ADRA1A: variants seen among roughly 807,000 people sequenced by gnomAD.
ADRA1A encodes the protein alpha-1A adrenergic receptor.
ADRA1A carries 31 observed loss-of-function variants against 29.6 expected under a neutral mutation model. The ratio of observed to expected loss-of-function variants is 1.05; its 90% confidence interval spans 0.79 to 1.41. The LOEUF (loss-of-function observed/expected upper bound fraction) is 1.41. Among genes scored for constraint, ADRA1A ranks in the 40% most tolerant of loss-of-function variants. The probability of loss-of-function intolerance (pLI) is 0.00; values close to 1 mark genes in which losing one functional copy is unlikely to be tolerated. For missense variants in ADRA1A, 619 were observed against 601.1 expected (o/e 1.03, Z -0.31); for synonymous variants, 311 against 254.3 (o/e 1.22, Z -2.12).
At chr8:26,797,777 A>G (rs1322117159) in intron 2 of ADRA1A, among the ~76,000 whole-genome samples, 1 of 152,094 alleles carries the variant, frequency 6.6e-6, no homozygotes, top group Non-Finnish European at 1.5e-5. Flanking sequence ...TTGAGTGTTT[A>G]TTGAGGCTAT....
chr8:26,754,463 T>A (rs1003376675), downstream of ADRA1A, among the ~76,000 whole-genome samples: 3 of 151,966 alleles, frequency 2.0e-5, no homozygotes, highest in South Asian at 6.2e-4. Context: ...CACTGCACAG[T>A]TAGAAATTGC....
chr8:26,799,524 G>A (rs1808422355), intron 2 of ADRA1A, among the ~76,000 whole-genome samples: 1 of 152,208 alleles, frequency 6.6e-6, no homozygotes, highest in South Asian at 2.1e-4. Context: ...CAGGGTAATT[G>A]CCTACAAGAA....
rs1385912018 is a variant in ADRA1A at position 26,825,327 on chromosome 8, G to T, written c.883+38760C>A. On this transcript the variant is annotated intron_variant, in intron 2 of 2. Transcript: ENST00000380573. The surrounding 1 kb of genome is among the most constrained non-coding windows in gnomAD (Gnocchi z 5.7). ...TTTTCTTTTCTTCTCTCTTCTTCCTGCCTTTAACCATTCTTCCATGAAACA... is the reference window on the plus strand; with the variant it reads ...TTTTCTTTTCTTCTCTCTTCTTCCTTCCTTTAACCATTCTTCCATGAAACA... Among the ~76,000 whole-genome samples, 1 of 148,644 alleles carries T rather than the reference G, an allele frequency of 6.7e-6. No homozygotes were observed. The highest frequency in any genetic ancestry group is 1.5e-5 in the Non-Finnish European group (1 of 67,078).
intron 2 of ADRA1A, among the ~76,000 whole-genome samples, chr8:26,786,733 C>G: frequency 7.9e-6 from 1 of 126,452 alleles, no homozygotes; most frequent in Non-Finnish European, 1.6e-5. Context: ...ACCTCAGACT[C>G]CATGCTGGGT....
rs958818306 is a variant in ADRA1A, at chr8:26,769,994, C to G, written c.*155G>C. 2.1e-6 allele frequency: 3 copies of G among 1,440,894 alleles called. No homozygotes were observed. In the East Asian group the frequency reaches 7.0e-5, roughly 34 times the overall value. 89.3% of individuals were successfully genotyped at this position (1,440,894 alleles called of 1,614,324 possible). Reference sequence around the variant, plus strand: ...CCCTCCCTCTTCCCTGTGCCCTACCCGCTGCCTGATGAGTTGGGTCTACCA... The same window carrying G: ...CCCTCCCTCTTCCCTGTGCCCTACCGGCTGCCTGATGAGTTGGGTCTACCA... On this transcript the variant is annotated 3_prime_UTR_variant, in exon 3 of 3. Coordinates refer to ENST00000380573, the MANE Select transcript of ADRA1A (RefSeq NM_000680.4).
chr8:26,778,467 C>G (rs1051360997), intron 2 of ADRA1A, among the ~76,000 whole-genome samples: 60 of 152,228 alleles, frequency 3.9e-4, no homozygotes, highest in Non-Finnish European at 6.8e-4. Flanking sequence ...ATTTTCCAAG[C>G]CTTGTCAATT....
chr8:26,799,568 C>A (rs1457347185), intron 2 of ADRA1A, among the ~76,000 whole-genome samples: 1 of 152,186 alleles, frequency 6.6e-6, no homozygotes, highest in Admixed American at 6.5e-5. Context: ...TTCTTTGAGG[C>A]ATGGCCTTAA....
chr8:26,838,519 C>T (rs1359943187), intron 2 of ADRA1A, among the ~76,000 whole-genome samples: 2 of 152,112 alleles, frequency 1.3e-5, no homozygotes, highest in Admixed American at 6.6e-5. Context: ...TGTGCTTAGG[C>T]CCTGAGGATT....
chr8:26,756,563 G>C (rs1230681512), exon 3 of ADRA1A: 3 of 1,547,680 alleles, frequency 1.9e-6, no homozygotes, highest in Admixed American at 3.9e-5. Context: ...TGTTTTTCCT[G>C]TATCAGTAAC....
At chr8:26,833,455 C>T (rs1811129240) in intron 2 of ADRA1A, among the ~76,000 whole-genome samples, 1 of 152,178 alleles carries the variant, frequency 6.6e-6, no homozygotes, top group Non-Finnish European at 1.5e-5. Flanking sequence ...TCAAAGTAAA[C>T]ACCTCAGAAG....
intron 2 of ADRA1A, among the ~76,000 whole-genome samples, chr8:26,849,879 G>T (rs1346720483): frequency 6.6e-6 from 1 of 152,034 alleles, no homozygotes; most frequent in African/African-American, 2.4e-5. Context: ...AAGATGGACA[G>T]TGTGCCCACC....
intron 2 of ADRA1A, among the ~76,000 whole-genome samples, chr8:26,792,954 A>G (rs1338395208): frequency 6.6e-6 from 1 of 151,966 alleles, no homozygotes; most frequent in Non-Finnish European, 1.5e-5. Context: ...ATTAAGAAAA[A>G]AATTGAATAT....
intron 2 of ADRA1A, among the ~76,000 whole-genome samples, chr8:26,813,570 G>A (rs1284067004): frequency 6.6e-6 from 1 of 151,960 alleles, no homozygotes; most frequent in African/African-American, 2.4e-5. Flanking sequence ...CAGGTGCTTG[G>A]CCTGGATCCC....
downstream of ADRA1A, among the ~76,000 whole-genome samples, chr8:26,766,357 A>G (rs112167008): frequency 6.6e-6 from 1 of 151,986 alleles, no homozygotes; most frequent in African/African-American, 2.4e-5. Flanking sequence ...CCTTCTGCAT[A>G]CTCTTCTATG....
rs186477895 is a variant in ADRA1A at position 26,784,091 on chromosome 8, T to C, written c.884-13425A>G. On this transcript the variant is annotated intron_variant, in intron 2 of 2. Transcript: ENST00000380573. Reference sequence around the variant, plus strand: ...GATGCTGGGCTCAATACTTAAGTGATGGGTTGATCTGTGCAGCAAACCACC... The same window carrying C: ...GATGCTGGGCTCAATACTTAAGTGACGGGTTGATCTGTGCAGCAAACCACC... Among the ~76,000 whole-genome samples the C allele has an allele frequency of 3.9e-4, 60 of 152,310 alleles. 1 individual carries two copies. Among genetic ancestry groups the C allele is most frequent in the Admixed American group, 3.8e-3 (58 of 15,298 alleles).
chr8:26,758,080 T>G (rs1243161321), intron 2 of ADRA1A, among the ~76,000 whole-genome samples: 1 of 152,206 alleles, frequency 6.6e-6, no homozygotes, highest in Non-Finnish European at 1.5e-5. Context: ...TGCCTGATTT[T>G]TAAAAGCTAA....
intron 2 of ADRA1A, among the ~76,000 whole-genome samples, chr8:26,817,278 T>G (rs1002069099): frequency 6.6e-6 from 1 of 152,074 alleles, no homozygotes; most frequent in Non-Finnish European, 1.5e-5. Context: ...AATAAGCAAA[T>G]GAAAAGATGC....
rs1310858092 is a variant in ADRA1A, at chr8:26,796,913, A to T, written c.884-26247T>A. 1.3e-5 allele frequency among the ~76,000 whole-genome samples: 2 copies of T among 152,126 alleles called. No homozygotes were observed. Among genetic ancestry groups the T allele is most frequent in the African/African-American group, 4.8e-5 (2 of 41,432 alleles). On this transcript the variant is annotated intron_variant, in intron 2 of 2. Transcript: ENST00000380573. The surrounding 1 kb of genome is among the most constrained non-coding windows in gnomAD (Gnocchi z 5.0). Reference sequence around the variant, plus strand: ...TTATTCCCTCACTGCGCAAATTTTTATAGAGATGAGACTGGAATTGAGAGT... The same window carrying T: ...TTATTCCCTCACTGCGCAAATTTTTTTAGAGATGAGACTGGAATTGAGAGT...
Position 26,848,176 on chromosome 8 carries a change from G to A in ADRA1A, c.883+15911C>T, listed in dbSNP as rs1385148692. On this transcript the variant is annotated intron_variant, in intron 2 of 2. Coordinates refer to ENST00000380573, the MANE Select transcript of ADRA1A (RefSeq NM_000680.4). The surrounding 1 kb of genome is among the most constrained non-coding windows in gnomAD (Gnocchi z 4.3). ...TGTCACTAATCCCTTGCGTGCCTCA[G>A]TTTCCTTATCTCTACATGAGCATAG... Among the ~76,000 whole-genome samples, 1 of 152,204 alleles carries A rather than the reference G, an allele frequency of 6.6e-6. No individual in the cohort carries two copies. The highest frequency in any genetic ancestry group is 1.5e-5 in the Non-Finnish European group (1 of 68,048).
Sources: allele counts gnomAD v4.1 joint callset (sites outside exome capture counted in the v4.1 genomes callset), GRCh38; gene constraint gnomAD v4.1.1; non-coding constraint Gnocchi (gnomAD v3.1); transcripts MANE v1.5; gene names NCBI Gene and HGNC (gene_info 2026-07-23, HGNC 2026-07-21).